CTNND2: variants seen among roughly 807,000 people sequenced by gnomAD.
CTNND2 encodes the protein catenin delta 2.
Under a neutral mutation model 144.4 loss-of-function variants are expected in CTNND2, and 22 were observed. The observed-to-expected ratio is 0.15, with a 90% CI of 0.11 to 0.22. The LOEUF (loss-of-function observed/expected upper bound fraction) is 0.22, where lower values mean the gene tolerates loss of function less well. Among genes scored for constraint, CTNND2 ranks in the 10% least tolerant of loss-of-function variants. CTNND2 has a pLI of 1.00. For missense variants in CTNND2, 1,353 were observed against 1,618.8 expected, an observed-to-expected ratio of 0.84 and a Z score of 2.82; for synonymous variants, 751 against 695.6, an observed-to-expected ratio of 1.08 and a Z score of -1.25.
intron 3 of CTNND2, among the ~76,000 whole-genome samples, chr5:11,473,824 C>T (rs904452276): frequency 1.3e-5 from 2 of 152,150 alleles, no homozygotes; most frequent in African/African-American, 4.8e-5. Context: ...CTGTAGGATC[C>T]CTGCTATTAC....
chr5:11,088,980 G>C (rs964565814), intron 15 of CTNND2, among the ~76,000 whole-genome samples: 1 of 152,182 alleles, frequency 6.6e-6, no homozygotes, highest in African/African-American at 2.4e-5. Context: ...GGGACATAGA[G>C]CTGTGATCTT....
At chr5:11,001,543 A>C (rs1345568942) in intron 18 of CTNND2, among the ~76,000 whole-genome samples, 1 of 152,146 alleles carries the variant, frequency 6.6e-6, no homozygotes, top group Non-Finnish European at 1.5e-5. Flanking sequence ...TAATTATTGT[A>C]AAATGAAATG....
chr5:11,434,418 T>C (rs1763576768), intron 3 of CTNND2, among the ~76,000 whole-genome samples: 1 of 152,248 alleles, frequency 6.6e-6, no homozygotes, highest in African/African-American at 2.4e-5. Flanking sequence ...AGGTTTAGGT[T>C]ACACATCTGC....
intron 11 of CTNND2, among the ~76,000 whole-genome samples, chr5:11,172,111 G>A (rs1268588115): frequency 1.3e-5 from 2 of 152,196 alleles, no homozygotes; most frequent in East Asian, 1.9e-4. Flanking sequence ...CCACCTGGGG[G>A]GCATTAAGAA....
At chr5:11,873,882 G>C (rs1034178249) in intron 1 of CTNND2, among the ~76,000 whole-genome samples, 1 of 152,152 alleles carries the variant, frequency 6.6e-6, no homozygotes, top group Non-Finnish European at 1.5e-5. Context: ...GGACCAGCTG[G>C]TGACACAAGC....
intron 16 of CTNND2, among the ~76,000 whole-genome samples, chr5:11,066,117 G>A (rs1437020184): frequency 2.7e-5 from 4 of 150,584 alleles, no homozygotes; most frequent in Non-Finnish European, 4.4e-5. Context: ...TCAGCTCACT[G>A]CAACCTCCGT....
chr5:11,525,006 TTAAC>T (rs1318637555), intron 3 of CTNND2, among the ~76,000 whole-genome samples: 1 of 152,184 alleles, frequency 6.6e-6, no homozygotes, highest in Admixed American at 6.5e-5. Context: ...AATCGAATAT[TTAAC>T]TAACTTTTAC....
intron 3 of CTNND2, among the ~76,000 whole-genome samples, chr5:11,478,977 A>G (rs1359974545): frequency 2.0e-5 from 3 of 152,144 alleles, no homozygotes; most frequent in Non-Finnish European, 4.4e-5. Flanking sequence ...TATATTAAAC[A>G]CCAGAGAGGA....
intron 16 of CTNND2, among the ~76,000 whole-genome samples, chr5:11,081,339 A>C (rs61757071): frequency 2.6e-5 from 4 of 152,300 alleles, no homozygotes; most frequent in African/African-American, 9.6e-5. Context: ...CAAAGATAAG[A>C]TAATTATTTG....
intron 8 of CTNND2, among the ~76,000 whole-genome samples, chr5:11,361,723 A>G (rs916407051): frequency 1.3e-5 from 2 of 152,224 alleles, no homozygotes; most frequent in African/African-American, 2.4e-5. Flanking sequence ...ATCTTTTTCT[A>G]TCTTTCCTCC....
chr5:11,220,846 A>G (rs1739718899), intron 10 of CTNND2, among the ~76,000 whole-genome samples: 3 of 152,212 alleles, frequency 2.0e-5, no homozygotes, highest in Non-Finnish European at 1.5e-5. Context: ...ATACATTTCA[A>G]TTGCAAGATT....
chr5:11,160,925 A>ACT (rs1758710209), intron 11 of CTNND2, among the ~76,000 whole-genome samples: 1 of 152,262 alleles, frequency 6.6e-6, no homozygotes, highest in Admixed American at 6.5e-5. Flanking sequence ...TAACTAAATA[A>ACT]GTGACTATAA....
intron 9 of CTNND2, among the ~76,000 whole-genome samples, chr5:11,299,631 TA>T (rs764283889): frequency 6.6e-6 from 1 of 152,168 alleles, no homozygotes; most frequent in Non-Finnish European, 1.5e-5. Flanking sequence ...GTGGGTCGTC[TA>T]AGGTAGAAAC....
chr5:11,812,024 G>A (rs974711772), intron 1 of CTNND2, among the ~76,000 whole-genome samples: 2 of 152,124 alleles, frequency 1.3e-5, no homozygotes, highest in African/African-American at 4.8e-5. Flanking sequence ...ATAAAAACAT[G>A]GTAATGTAGC....
rs1299419899 is a variant in CTNND2 at position 11,017,999 on chromosome 5, C to T, written c.3059G>A (p.Arg1020Gln). 9 of 1,613,302 alleles carry T rather than the reference C, an allele frequency of 5.6e-6. No individual in the cohort carries two copies. The highest frequency in any genetic ancestry group is 6.8e-6 in the Non-Finnish European group (8 of 1,179,520). Residue 1020 changes from arginine to glutamine, a missense_variant, in exon 18 of 22, where the codon CGA (arginine) becomes CAA (glutamine). Arg to Gln is a conservative substitution (Grantham distance 43). This residue lies in a region of CTNND2 where 459 missense variants were observed against 674.3 expected (regional missense o/e 0.68). Transcript: ENST00000304623. ...SQVLNSMWQY[R>Q]DLRSLYKKDG... The stretch of plus-strand genomic sequence containing the variant: ...CTTTTTGTAGAGACTCCTCAGATCT[C>T]GGTACTGCCACATGCTGTTGAGGAC...
chr5:11,218,625 C>G (rs1281000232), intron 10 of CTNND2, among the ~76,000 whole-genome samples: 1 of 152,152 alleles, frequency 6.6e-6, no homozygotes, highest in Non-Finnish European at 1.5e-5. Context: ...TGGTGCCTAC[C>G]AAGCTTCCTT....
intron 3 of CTNND2, among the ~76,000 whole-genome samples, chr5:11,454,258 A>G (rs1765533281): frequency 1.3e-5 from 2 of 152,074 alleles, no homozygotes; most frequent in Non-Finnish European, 2.9e-5. Flanking sequence ...CATCTCTACT[A>G]AAAATATAAA....
chr5:11,611,341 T>A (rs1372822693), intron 2 of CTNND2, among the ~76,000 whole-genome samples: 2 of 152,216 alleles, frequency 1.3e-5, no homozygotes, highest in African/African-American at 4.8e-5. Context: ...AACAGACTAA[T>A]ACTGTAGAAA....
chr5:11,397,466 A>T (rs958760221), intron 5 of CTNND2, among the ~76,000 whole-genome samples: 47 of 152,098 alleles, frequency 3.1e-4, no homozygotes, highest in Admixed American at 3.1e-3. Flanking sequence ...ACCTACATAG[A>T]GACATTTCTT....
Sources: allele counts gnomAD v4.1 joint callset (sites outside exome capture counted in the v4.1 genomes callset), GRCh38; gene constraint gnomAD v4.1.1; regional missense constraint gnomAD v4.1.1; transcripts MANE v1.5; gene names NCBI Gene and HGNC (gene_info 2026-07-23, HGNC 2026-07-21).